The following ABCA13 variants were observed in gnomAD, a reference collection of about 807,000 sequenced individuals.
ABCA13 encodes ATP-binding cassette sub-family A member 13.
A neutral mutation model predicts 478.7 loss-of-function variants in ABCA13; 476 were observed. The ratio of observed to expected loss-of-function variants is 0.99; its 90% confidence interval spans 0.92 to 1.07. The LOEUF (loss-of-function observed/expected upper bound fraction) is 1.07, where lower values mean the gene tolerates loss of function less well. Ranked by LOEUF, ABCA13 falls within the 50% of genes least tolerant of loss-of-function variation. The probability of loss-of-function intolerance (pLI) is 0.00; values close to 1 mark genes in which losing one functional copy is unlikely to be tolerated. For missense variants in ABCA13, 6,060 were observed against 5,910.6 expected (o/e 1.03, Z -0.83); for synonymous variants, 2,252 against 2,158.9 (o/e 1.04, Z -1.20).
chr7:48,329,058 A>G (rs939743546), intron 27 of ABCA13, among the ~76,000 whole-genome samples: 1 of 152,254 alleles, frequency 6.6e-6, no homozygotes, highest in Non-Finnish European at 1.5e-5. Flanking sequence ...GAGATGGGAA[A>G]CAGAGACTGG....
chr7:48,580,152 C>T (rs1227345233), intron 55 of ABCA13, 72 bp from the exon 56 acceptor site: 1 of 1,443,650 alleles, frequency 6.9e-7, no homozygotes, highest in Non-Finnish European at 9.2e-7. Flanking sequence ...TATTGATGAG[C>T]CACATTTTAA....
chr7:48,307,189 A>G (rs1352141674), intron 23 of ABCA13, among the ~76,000 whole-genome samples: 1 of 152,200 alleles, frequency 6.6e-6, no homozygotes, highest in African/African-American at 2.4e-5. Context: ...ATTAGGTGAT[A>G]TCATCATTAT....
intron 39 of ABCA13, among the ~76,000 whole-genome samples, chr7:48,408,402 A>G (rs895613303): frequency 6.6e-6 from 1 of 152,184 alleles, no homozygotes; most frequent in African/African-American, 2.4e-5. Context: ...ACTGCCTTTA[A>G]TCCTAGATCA....
chr7:48,595,792 T>G (rs1265080047), intron 58 of ABCA13, among the ~76,000 whole-genome samples: 1 of 152,198 alleles, frequency 6.6e-6, no homozygotes, highest in Non-Finnish European at 1.5e-5. Flanking sequence ...CTTCCATGGT[T>G]GTTTGCTACT....
chr7:48,513,757 C>T (rs1163824158), intron 51 of ABCA13, among the ~76,000 whole-genome samples: 2 of 152,184 alleles, frequency 1.3e-5, no homozygotes, highest in African/African-American at 4.8e-5. Flanking sequence ...TAAATATAAG[C>T]CAATTTCATT....
chr7:48,308,839 T>C (rs1408903388), intron 23 of ABCA13, among the ~76,000 whole-genome samples: 1 of 150,888 alleles, frequency 6.6e-6, no homozygotes, highest in Non-Finnish European at 1.5e-5. Flanking sequence ...GACAACTGCC[T>C]ACAGGATTCA....
chr7:48,218,312 T>C (rs1786801724), intron 3 of ABCA13, among the ~76,000 whole-genome samples: 1 of 152,202 alleles, frequency 6.6e-6, no homozygotes, highest in African/African-American at 2.4e-5. Flanking sequence ...GCCTTTAATA[T>C]GAGGCCTCAG....
At chr7:48,581,536 T>A (rs988163387) in intron 56 of ABCA13, among the ~76,000 whole-genome samples, 32 of 152,186 alleles carry the variant, frequency 2.1e-4, no homozygotes, top group Non-Finnish European at 4.6e-4. Context: ...TCTTTGTTAG[T>A]TTTTGATGAA....
At position 48,412,429 on chromosome 7, in the gene ABCA13, C is replaced by T; in HGVS notation, c.12305C>T (p.Ala4102Val). 1 of 1,613,514 alleles carries T rather than the reference C, an allele frequency of 6.2e-7. No homozygotes were observed. Among genetic ancestry groups the T allele is most frequent in the Non-Finnish European group, 8.5e-7 (1 of 1,179,822 alleles). ...TSLIKIYIPQAFLKDSSGSEL... is the reference protein window; with the variant it reads ...TSLIKIYIPQVFLKDSSGSEL... Reference sequence around the variant, plus strand: ...CTGATAAAGATCTATATTCCACAAGCATTTCTCAAAGACAGCAGTGGAAGT... The same window carrying T: ...CTGATAAAGATCTATATTCCACAAGTATTTCTCAAAGACAGCAGTGGAAGT... The change falls in exon 41 of 62, where the codon GCA becomes GTA. Residue 4102 changes from alanine (A) to valine (V), a missense_variant. This residue lies in a region of ABCA13 where 1,627 missense variants were observed against 1,571.0 expected (regional missense o/e 1.04). Coordinates refer to ENST00000435803, the MANE Select transcript of ABCA13 (RefSeq NM_152701.5).
chr7:48,209,019 T>C, intron 3 of ABCA13, among the ~76,000 whole-genome samples: 1 of 152,146 alleles, frequency 6.6e-6, no homozygotes, highest in East Asian at 1.9e-4. Context: ...AAAGGAATGT[T>C]GAATTTTATT....
At chr7:48,319,585 ACTT>A (rs773869494) in intron 27 of ABCA13, among the ~76,000 whole-genome samples, 2 of 152,114 alleles carry the variant, frequency 1.3e-5, no homozygotes, top group African/African-American at 4.8e-5. Flanking sequence ...TCTCTCCATT[ACTT>A]CTTGTTAGGT....
At chr7:48,173,277 C>T (rs1052525698) in intron 1 of ABCA13, among the ~76,000 whole-genome samples, 1 of 152,106 alleles carries the variant, frequency 6.6e-6, no homozygotes, top group East Asian at 1.9e-4. Flanking sequence ...TTCTTATTTG[C>T]CGATTGCCTC....
chr7:48,254,309 G>T (rs765907053), intron 15 of ABCA13, among the ~76,000 whole-genome samples: 12 of 151,806 alleles, frequency 7.9e-5, no homozygotes, highest in Non-Finnish European at 1.5e-4. Context: ...TATTGCCCAG[G>T]GTGGAATGCA....
intron 53 of ABCA13, among the ~76,000 whole-genome samples, chr7:48,521,081 C>T (rs1228619556): frequency 5.7e-5 from 6 of 106,090 alleles, no homozygotes; most frequent in Non-Finnish European, 1.8e-5. Context: ...ACATGCATTC[C>T]TACTACTATA....
chr7:48,303,938 G>A (rs1800527949), intron 23 of ABCA13, among the ~76,000 whole-genome samples: 1 of 152,092 alleles, frequency 6.6e-6, no homozygotes, highest in African/African-American at 2.4e-5. Context: ...TCTTAAATCA[G>A]TTGCAACATG....
chr7:48,540,907 T>A (rs1487653469), intron 55 of ABCA13, among the ~76,000 whole-genome samples: 1 of 152,126 alleles, frequency 6.6e-6, no homozygotes, highest in Non-Finnish European at 1.5e-5. Context: ...CTTCCTACTA[T>A]CGTAACTCTC....
intron 3 of ABCA13, among the ~76,000 whole-genome samples, chr7:48,217,912 A>C (rs2128959359): frequency 6.6e-6 from 1 of 152,250 alleles, no homozygotes; most frequent in East Asian, 1.9e-4. Flanking sequence ...TAAAAGTCTC[A>C]ATAAAGACCT....
At chr7:48,524,147 G>A in intron 53 of ABCA13, 101 bp from the exon 54 acceptor site, 2 of 1,118,900 alleles carry the variant, frequency 1.8e-6, no homozygotes, top group Non-Finnish European at 2.5e-6. Context: ...GTCCGAAGGT[G>A]ATATCTTCAA....
chr7:48,269,068 C>CA lies in ABCA13; in HGVS notation c.2096dup (p.Ser700ValfsTer27). Reference sequence around the variant, plus strand: ...ATTTTCAATTTTTGAATAACTTACTCAAGTCTCCAACAGCTTCCATATCCA... The same window carrying CA: ...ATTTTCAATTTTTGAATAACTTACTCAAAGTCTCCAACAGCTTCCATATCCA... On this transcript the variant is annotated frameshift_variant, in exon 16 of 62. Coordinates refer to ENST00000435803, the MANE Select transcript of ABCA13 (RefSeq NM_152701.5). LOFTEE classifies it high-confidence loss of function. The CA allele has an allele frequency of 6.3e-7, 1 of 1,583,062 alleles. No individual in the cohort carries two copies. Among genetic ancestry groups the CA allele is most frequent in the Non-Finnish European group, 8.7e-7 (1 of 1,153,460 alleles).
Sources: allele counts gnomAD v4.1 joint callset (sites outside exome capture counted in the v4.1 genomes callset), GRCh38; gene constraint gnomAD v4.1.1; regional missense constraint gnomAD v4.1.1; transcripts MANE v1.5; gene names NCBI Gene and HGNC (gene_info 2026-07-23, HGNC 2026-07-21).